Variants in ASTN1 observed in about 807,000 individuals in gnomAD.
The protein encoded by ASTN1 is astrotactin-1.
Under a neutral mutation model 140.7 loss-of-function variants are expected in ASTN1, and 41 were observed. That is an observed-to-expected ratio of 0.29 (90% CI 0.23 to 0.38). The LOEUF (loss-of-function observed/expected upper bound fraction) is 0.38. Ranked by LOEUF, ASTN1 falls within the 10% of genes least tolerant of loss-of-function variation. The probability of loss-of-function intolerance (pLI) is 1.00; values close to 1 mark genes in which losing one functional copy is unlikely to be tolerated. For synonymous variants in ASTN1, 640 were observed against 652.2 expected, an observed-to-expected ratio of 0.98 and a Z score of 0.29; for missense variants, 1,479 against 1,678.8, an observed-to-expected ratio of 0.88 and a Z score of 2.08.
chr1:177,079,589 T>C (rs1214705696), intron 1 of ASTN1, among the ~76,000 whole-genome samples: 1 of 152,072 alleles, frequency 6.6e-6, no homozygotes, highest in Non-Finnish European at 1.5e-5. Flanking sequence ...GGCCCTCAAC[T>C]CTCTCCTTTC....
intron 2 of ASTN1, among the ~76,000 whole-genome samples, chr1:177,045,312 G>A (rs1677165090): frequency 6.6e-6 from 1 of 152,202 alleles, no homozygotes; most frequent in African/African-American, 2.4e-5. Flanking sequence ...TTAGCAGAAT[G>A]TCTAGCACGG....
At chr1:176,859,052 T>C (rs1667888299), downstream of ASTN1, among the ~76,000 whole-genome samples, 1 of 152,234 alleles carries the variant, frequency 6.6e-6, no homozygotes, top group South Asian at 2.1e-4. Flanking sequence ...GCACAGTGCC[T>C]GGCACATAAT....
chr1:176,878,045 A>G (rs1195872625), intron 20 of ASTN1, among the ~76,000 whole-genome samples: 4 of 152,146 alleles, frequency 2.6e-5, no homozygotes, highest in Admixed American at 6.5e-5. Flanking sequence ...GTGTGCCCCA[A>G]TACGCCATTT....
At chr1:176,967,519 T>C (rs547377815) in intron 8 of ASTN1, among the ~76,000 whole-genome samples, 41 of 152,334 alleles carry the variant, frequency 2.7e-4, no homozygotes, top group Non-Finnish European at 5.4e-4. Context: ...TTAAATAACA[T>C]ACATTTTGCC....
intron 2 of ASTN1, among the ~76,000 whole-genome samples, chr1:177,043,022 A>G (rs1162047324): frequency 6.6e-6 from 1 of 152,216 alleles, no homozygotes; most frequent in Non-Finnish European, 1.5e-5. Flanking sequence ...CAATAATTTA[A>G]CCAATATGGC....
intron 1 of ASTN1, among the ~76,000 whole-genome samples, chr1:177,063,149 G>T (rs1678181356): frequency 6.6e-6 from 1 of 152,150 alleles, no homozygotes; most frequent in Non-Finnish European, 1.5e-5. Context: ...GCTAAGGGTA[G>T]GGCAATTAGA....
In ASTN1 at chr1:176,957,808, G is replaced by A. The variant is rs751658823; in HGVS notation, c.1757C>T (p.Ser586Phe). Residue 586 changes from serine (S) to phenylalanine (F), a missense_variant, in exon 11 of 23, where the codon TCC becomes TTC. Ser to Phe is a radical substitution (Grantham distance 155, BLOSUM62 -2). This residue lies in a region of ASTN1 where 729 missense variants were observed against 860.4 expected (regional missense o/e 0.85). Coordinates refer to ENST00000361833, the MANE Select transcript of ASTN1 (RefSeq NM_004319.3). ...GAGAACCTCCAGGCTGTCGAAGGAGGATGAAGTCATCAGCTCCTCTCTGTG... is the reference window on the plus strand; with the variant it reads ...GAGAACCTCCAGGCTGTCGAAGGAGAATGAAGTCATCAGCTCCTCTCTGTG... Reference protein sequence around the residue: ...VEVREELMTSSSFDSLEVLLD... With the variant: ...VEVREELMTSFSFDSLEVLLD... 6.2e-7 allele frequency: 1 copy of A among 1,613,876 alleles called. No homozygotes were observed. Among genetic ancestry groups the A allele is most frequent in the African/African-American group, 1.3e-5 (1 of 74,918 alleles).
chr1:176,897,037 G>A (rs1425234494), intron 16 of ASTN1, among the ~76,000 whole-genome samples: 1 of 152,134 alleles, frequency 6.6e-6, no homozygotes, highest in Non-Finnish European at 1.5e-5. Flanking sequence ...AGCACTTTGG[G>A]AGGCCAAGGC....
intron 16 of ASTN1, among the ~76,000 whole-genome samples, chr1:176,895,347 A>G (rs1222169625): frequency 6.6e-6 from 1 of 152,222 alleles, no homozygotes; most frequent in Non-Finnish European, 1.5e-5. Flanking sequence ...GATCCATTCA[A>G]GGTCTACTTT....
intron 1 of ASTN1, among the ~76,000 whole-genome samples, chr1:177,087,166 G>A (rs1679513514): frequency 6.6e-6 from 1 of 152,062 alleles, no homozygotes; most frequent in Non-Finnish European, 1.5e-5. Context: ...GAAATCCTTT[G>A]GACTCTGAAG....
intron 16 of ASTN1, among the ~76,000 whole-genome samples, chr1:176,920,103 G>A (rs1457818561): frequency 6.6e-6 from 1 of 152,206 alleles, no homozygotes; most frequent in Admixed American, 6.5e-5. Context: ...GCTCTAAACT[G>A]AGGGCTTTTG....
At chr1:176,925,801 G>A (rs570818443) in intron 16 of ASTN1, among the ~76,000 whole-genome samples, 1 of 149,692 alleles carries the variant, frequency 6.7e-6, no homozygotes, top group African/African-American at 2.4e-5. Flanking sequence ...ATCTCAGTAG[G>A]TAAAGGCATT....
In ASTN1 at chr1:176,863,446, G is replaced by T. The variant is rs959115184; in HGVS notation, c.*838C>A. 8.0e-5 allele frequency: 79 copies of T among 985,630 alleles called. No homozygotes were observed. Among genetic ancestry groups the T allele is most frequent in the Non-Finnish European group, 9.2e-5 (76 of 829,898 alleles). 61.1% of individuals were successfully genotyped at this position (985,630 alleles called of 1,614,324 possible). ...GAGAAGTCTATCCAAAGGAAGCATG[G>T]TTTTTTTAAAAAACAATAAACTCCA... On this transcript the variant is annotated 3_prime_UTR_variant, in exon 23 of 23. Transcript: ENST00000361833.
chr1:176,911,073 T>C (rs1670217972), intron 16 of ASTN1, among the ~76,000 whole-genome samples: 1 of 152,190 alleles, frequency 6.6e-6, no homozygotes, highest in African/African-American at 2.4e-5. Flanking sequence ...CTGTACAACA[T>C]GCTACTGTAC....
At chr1:176,981,815 GT>G (rs759464132) in intron 8 of ASTN1, 4 of 152,596 alleles carry the variant, frequency 2.6e-5, no homozygotes, top group Admixed American at 6.5e-5. Flanking sequence ...AGTTTCAGTC[GT>G]TTTAATGAGG....
At chr1:176,921,441 G>A (rs1337049036) in intron 16 of ASTN1, among the ~76,000 whole-genome samples, 2 of 152,144 alleles carry the variant, frequency 1.3e-5, no homozygotes, top group Non-Finnish European at 2.9e-5. Flanking sequence ...TTAAACACAG[G>A]TTGCATGTTA....
intron 1 of ASTN1, among the ~76,000 whole-genome samples, chr1:177,137,438 G>A (rs908039768): frequency 2.6e-5 from 4 of 152,106 alleles, no homozygotes; most frequent in African/African-American, 4.8e-5. Flanking sequence ...AGACAAGAAG[G>A]GTTATTACAA....
chr1:176,893,442 T>C (rs966804634), intron 17 of ASTN1, among the ~76,000 whole-genome samples: 2 of 152,216 alleles, frequency 1.3e-5, no homozygotes, highest in Admixed American at 6.5e-5. Flanking sequence ...CTTTATCAGA[T>C]TGAAGACAAA....
intron 11 of ASTN1, among the ~76,000 whole-genome samples, chr1:176,953,253 G>T (rs1672267027): frequency 6.6e-6 from 1 of 152,156 alleles, no homozygotes; most frequent in Non-Finnish European, 1.5e-5. Flanking sequence ...TTATGAAGTG[G>T]GTGCTCTGTT....
Sources: gnomAD v4.1 joint callset for allele counts (sites outside exome capture counted in the v4.1 genomes callset) on GRCh38, gnomAD v4.1.1 for gene constraint, gnomAD v4.1.1 regional missense constraint, MANE v1.5 for transcripts, NCBI Gene and HGNC (gene_info 2026-07-23, HGNC 2026-07-21) for gene names.